Variants in PDE6H observed in about 807,000 individuals in gnomAD.
PDE6H encodes phosphodiesterase 6H.
PDE6H carries 11 observed loss-of-function variants against 9.2 expected under a neutral mutation model. The observed-to-expected ratio is 1.19, with a 90% confidence interval of 0.75 to 1.97. The LOEUF (loss-of-function observed/expected upper bound fraction) is 1.97, where lower values mean the gene tolerates loss of function less well. Ranked by LOEUF, PDE6H falls within the 30% of genes most tolerant of loss-of-function variation. The pLI is 0.00. For synonymous variants in PDE6H, 36 were observed against 33.6 expected (o/e 1.07, Z -0.25); for missense variants, 98 against 101.5 (o/e 0.97, Z 0.15).
intron 1 of PDE6H, among the ~76,000 whole-genome samples, chr12:14,976,412 A>T (rs1429838139): frequency 6.6e-6 from 1 of 152,232 alleles, no homozygotes; most frequent in Non-Finnish European, 1.5e-5. Context: ...TCAAGGAAAT[A>T]AGAAAACAGT....
At chr12:14,976,216 G>A (rs1031932059) in intron 1 of PDE6H, among the ~76,000 whole-genome samples, 1 of 152,142 alleles carries the variant, frequency 6.6e-6, no homozygotes, top group South Asian at 2.1e-4. Context: ...TTCTGAGACT[G>A]GAAGGACAGC....
intron 2 of PDE6H, among the ~76,000 whole-genome samples, chr12:14,978,669 G>A (rs1210822705): frequency 2.6e-5 from 4 of 152,078 alleles, no homozygotes; most frequent in Non-Finnish European, 4.4e-5. Context: ...TGTACATTCA[G>A]CTATCATAAC....
intron 1 of PDE6H, among the ~76,000 whole-genome samples, chr12:14,977,658 T>C (rs1404362838): frequency 6.6e-6 from 1 of 152,250 alleles, no homozygotes; most frequent in Non-Finnish European, 1.5e-5. Context: ...GGCAGATCCA[T>C]GGGAACAGCA....
chr12:14,975,011 G>A (rs1340007625), intron 1 of PDE6H, among the ~76,000 whole-genome samples: 1 of 152,130 alleles, frequency 6.6e-6, no homozygotes, highest in African/African-American at 2.4e-5. Context: ...TTTTATAGAT[G>A]GAATAAGACC....
chr12:14,974,315 A>G (rs1864561218), intron 1 of PDE6H, among the ~76,000 whole-genome samples: 1 of 152,202 alleles, frequency 6.6e-6, no homozygotes, highest in Non-Finnish European at 1.5e-5. Context: ...AATGCAGGAA[A>G]AGGTCAGAGG....
chr12:14,974,602 A>G (rs1341237760), intron 1 of PDE6H, among the ~76,000 whole-genome samples: 1 of 152,248 alleles, frequency 6.6e-6, no homozygotes, highest in Non-Finnish European at 1.5e-5. Flanking sequence ...AAGGGGATGT[A>G]TCATTGGGGA....
Position 14,981,828 on chromosome 12 carries a change from A to C in PDE6H, c.*352A>C. 5.8e-6 allele frequency: 2 copies of C among 346,124 alleles called. No homozygotes were observed. Among genetic ancestry groups the C allele is most frequent in the East Asian group, 6.9e-5 (1 of 14,582 alleles). 21.4% of individuals were successfully genotyped at this position (346,124 alleles called of 1,614,324 possible). ...TAAGACAACATTTATGTCACTCCCCACCTCCTCATATTTAATAAAGGAGAT... is the reference window on the plus strand; with the variant it reads ...TAAGACAACATTTATGTCACTCCCCCCCTCCTCATATTTAATAAAGGAGAT... On this transcript the variant is annotated 3_prime_UTR_variant, in exon 4 of 4. Coordinates refer to ENST00000266395, the MANE Select transcript of PDE6H (RefSeq NM_006205.3).
chr12:14,980,012 T>C (rs978096955), intron 3 of PDE6H, among the ~76,000 whole-genome samples: 2 of 152,204 alleles, frequency 1.3e-5, no homozygotes, highest in East Asian at 1.9e-4. Flanking sequence ...AGAGTTTTTA[T>C]CCCTTGTGTT....
chr12:14,974,195 A>G (rs1864559809), intron 1 of PDE6H, among the ~76,000 whole-genome samples: 1 of 152,218 alleles, frequency 6.6e-6, no homozygotes, highest in Non-Finnish European at 1.5e-5. Context: ...ATCAAGTCTG[A>G]TAATACATTT....
intron 1 of PDE6H, among the ~76,000 whole-genome samples, chr12:14,973,878 C>CT (rs1432603304): frequency 6.6e-6 from 1 of 152,150 alleles, no homozygotes; most frequent in Non-Finnish European, 1.5e-5. Context: ...CCTAAAACTG[C>CT]TTTTCAGAGG....
intron 1 of PDE6H, among the ~76,000 whole-genome samples, chr12:14,974,438 A>G (rs61910465): frequency 0.093 from 14,107 of 152,304 alleles, 769 homozygotes; most frequent in South Asian, 0.18. Flanking sequence ...CCTGAGCACC[A>G]TTAGGATCAA....
intron 2 of PDE6H, 118 bp from the exon 3 acceptor site, chr12:14,979,061 C>A (rs2233623): frequency 0.96 from 716,920 of 747,548 alleles, 345,100 homozygotes; most frequent in Middle Eastern, 0.99. Flanking sequence ...GAGTTTCTCA[C>A]ATACAAACAC....
intron 3 of PDE6H, 135 bp downstream of exon 3, chr12:14,979,354 G>A: frequency 2.8e-6 from 2 of 707,158 alleles, no homozygotes; most frequent in South Asian, 1.5e-5. Flanking sequence ...TAGAAATGTG[G>A]GGATTTAATT....
chr12:14,981,490 C>T lies in PDE6H; in HGVS notation c.*14C>T. On this transcript the variant is annotated 3_prime_UTR_variant, in exon 4 of 4. Transcript: ENST00000266395. ...GGGATTATCTGAAGTGCCAGAGGTTCTGCCACTCTCAATGACATCTGCTGT... is the reference window on the plus strand; with the variant it reads ...GGGATTATCTGAAGTGCCAGAGGTTTTGCCACTCTCAATGACATCTGCTGT... 4 of 1,595,616 alleles carry T rather than the reference C, an allele frequency of 2.5e-6. No homozygotes were observed. The highest frequency in any genetic ancestry group is 3.4e-6 in the Non-Finnish European group (4 of 1,163,126).
chr12:14,977,873 G>C, intron 1 of PDE6H, 99 bp from the exon 2 acceptor site: 1 of 778,280 alleles, frequency 1.3e-6, no homozygotes, highest in East Asian at 2.6e-5. Context: ...GAGCTTTCTT[G>C]TTGAAGTACT....
rs373988171 is a variant in PDE6H at position 14,979,174 on chromosome 12, C to T, written c.135-5C>T. Reference sequence around the variant, plus strand: ...AGCTAATTTCTCCTTTATTCTTTTCCATAGATTTGGAGATGACATTCCAGG... The same window carrying T: ...AGCTAATTTCTCCTTTATTCTTTTCTATAGATTTGGAGATGACATTCCAGG... On this transcript the variant is annotated splice_region_variant and splice_polypyrimidine_tract_variant and intron_variant, in intron 2 of 3. Coordinates refer to ENST00000266395, the MANE Select transcript of PDE6H (RefSeq NM_006205.3). 6.2e-6 allele frequency: 10 copies of T among 1,601,960 alleles called. No homozygotes were observed. Among genetic ancestry groups the T allele is most frequent in the Non-Finnish European group, 7.7e-6 (9 of 1,169,314 alleles).
At chr12:14,980,156 C>G (rs965397234) in intron 3 of PDE6H, among the ~76,000 whole-genome samples, 7 of 152,194 alleles carry the variant, frequency 4.6e-5, no homozygotes, top group African/African-American at 1.4e-4. Context: ...TCTCTAAACC[C>G]CAGACATCCA....
At chr12:14,973,686 G>A (rs920445066) in intron 1 of PDE6H, among the ~76,000 whole-genome samples, 7 of 152,142 alleles carry the variant, frequency 4.6e-5, no homozygotes, top group Non-Finnish European at 7.3e-5. Flanking sequence ...CTCTGCCTCA[G>A]CAGGACCCTG....
At chr12:14,978,938 A>G (rs1331512372) in intron 2 of PDE6H, among the ~76,000 whole-genome samples, 4 of 152,062 alleles carry the variant, frequency 2.6e-5, no homozygotes, top group Admixed American at 1.3e-4. Context: ...GTTCTTTCTG[A>G]CTCTTAATTG....
Sources: gnomAD v4.1 joint callset for allele counts (sites outside exome capture counted in the v4.1 genomes callset) on GRCh38, gnomAD v4.1.1 for gene constraint, MANE v1.5 for transcripts, NCBI Gene and HGNC (gene_info 2026-07-23, HGNC 2026-07-21) for gene names.